The following CLEC12A variants were observed in gnomAD, a reference collection of about 807,000 sequenced individuals.
CLEC12A encodes the protein C-type lectin domain family 12 member A.
In CLEC12A, 22 loss-of-function variants were observed where a neutral mutation model predicts 26.5. The ratio of observed to expected loss-of-function variants is 0.83; its 90% CI spans 0.59 to 1.19. The LOEUF (loss-of-function observed/expected upper bound fraction) is 1.19, where lower values mean the gene tolerates loss of function less well. Ranked by LOEUF, CLEC12A falls within the 50% of genes most tolerant of loss-of-function variation. The pLI is 0.00. For synonymous variants in CLEC12A, 119 were observed against 101.9 expected, an observed-to-expected ratio of 1.17 and a Z score of -1.01; for missense variants, 353 against 315.6, an observed-to-expected ratio of 1.12 and a Z score of -0.90.
intron 1 of CLEC12A, among the ~76,000 whole-genome samples, chr12:9,958,905 CA>C (rs1195568474): frequency 2.6e-5 from 4 of 152,142 alleles, no homozygotes; most frequent in Admixed American, 1.3e-4. Flanking sequence ...ACTCAGATCT[CA>C]GTTATAGATT....
At chr12:9,956,884 A>G (rs1029816344) in intron 1 of CLEC12A, among the ~76,000 whole-genome samples, 3 of 152,222 alleles carry the variant, frequency 2.0e-5, no homozygotes, top group Admixed American at 1.3e-4. Context: ...GCTGTGCTGC[A>G]TTCAGTTATT....
chr12:9,997,267 C>A (rs751872895), downstream of CLEC12A: 1 of 1,610,764 alleles, frequency 6.2e-7, no homozygotes, highest in Non-Finnish European at 8.5e-7. Context: ...TAGGTAATTG[C>A]GCTGCATGAC....
downstream of CLEC12A, among the ~76,000 whole-genome samples, chr12:9,989,896 C>T (rs935230767): frequency 2.6e-5 from 4 of 152,136 alleles, no homozygotes; most frequent in African/African-American, 7.2e-5. Context: ...TCATTTCAAA[C>T]GTCCTAGGGA....
At chr12:10,003,687 GAA>G in the CLEC12A span, among the ~76,000 whole-genome samples, 1 of 152,126 alleles carries the variant, frequency 6.6e-6, no homozygotes, top group African/African-American at 2.4e-5. Flanking sequence ...GCCAAGGTAG[GAA>G]GACTGCTTGA....
intron 1 of CLEC12A, among the ~76,000 whole-genome samples, chr12:9,972,428 C>T (rs1330476623): frequency 2.0e-5 from 3 of 152,052 alleles, no homozygotes; most frequent in African/African-American, 4.8e-5. Context: ...TATAGTTTTC[C>T]TATTATGTAT....
chr12:9,964,543 G>C (rs996152067), intron 1 of CLEC12A, among the ~76,000 whole-genome samples: 2 of 152,144 alleles, frequency 1.3e-5, no homozygotes, highest in African/African-American at 4.8e-5. Flanking sequence ...AGGGTCCCCT[G>C]CCAGCAAAGA....
At chr12:9,967,054 G>GACT (rs1357111718), upstream of CLEC12A, among the ~76,000 whole-genome samples, 4,160 of 151,320 alleles carry the variant, frequency 0.027, 193 homozygotes, top group African/African-American at 0.095. Flanking sequence ...CTGTAAGCTG[G>GACT]GCCAGGTGTG....
At position 9,979,368 on chromosome 12, in the gene CLEC12A, A is replaced by G. The variant is rs758488734; in HGVS notation, c.223A>G (p.Met75Val). 6.2e-6 allele frequency: 10 copies of G among 1,601,500 alleles called. No individual in the cohort carries two copies. In the Admixed American group the frequency reaches 1.6e-4, roughly 25 times the overall value. Residue 75 changes from methionine to valine, a missense_variant, in exon 3 of 6, where the codon ATG (methionine) becomes GTG (valine). Transcript: ENST00000304361. ...AACTTTGAAGATAGAAATGAAAAAAATGAACAAACTACAAAACATCAGTGA... is the reference window on the plus strand; with the variant it reads ...AACTTTGAAGATAGAAATGAAAAAAGTGAACAAACTACAAAACATCAGTGA... ...HVTLKIEMKK[M>V]NKLQNISEEL...
chr12:9,959,081 C>G (rs1469762522), intron 1 of CLEC12A, among the ~76,000 whole-genome samples: 2 of 152,198 alleles, frequency 1.3e-5, no homozygotes, highest in Non-Finnish European at 2.9e-5. Context: ...TCTTCCTCCC[C>G]AGTTCATCTG....
At chr12:9,990,539 A>G (rs568393885), downstream of CLEC12A, among the ~76,000 whole-genome samples, 2 of 152,334 alleles carry the variant, frequency 1.3e-5, no homozygotes, top group Non-Finnish European at 1.5e-5. Context: ...AAACTTTAAC[A>G]AATGAGGAGT....
chr12:9,982,643 T>A (rs1388668626), intron 5 of CLEC12A, among the ~76,000 whole-genome samples: 1 of 152,140 alleles, frequency 6.6e-6, no homozygotes, highest in Non-Finnish European at 1.5e-5. Flanking sequence ...ATGGGCATTT[T>A]AAAAAGTTTA....
At chr12:9,962,836 G>A (rs1863860204) in intron 1 of CLEC12A, among the ~76,000 whole-genome samples, 1 of 152,194 alleles carries the variant, frequency 6.6e-6, no homozygotes. Flanking sequence ...GGGCTCAGAG[G>A]CCTGACATTC....
chr12:9,979,820 A>T (rs982923867), intron 3 of CLEC12A, among the ~76,000 whole-genome samples: 3 of 152,212 alleles, frequency 2.0e-5, no homozygotes, highest in Non-Finnish European at 4.4e-5. Context: ...CTGGGCACTG[A>T]GGTTAATAGA....
At chr12:9,959,125 T>C (rs1424400104) in intron 1 of CLEC12A, among the ~76,000 whole-genome samples, 1 of 152,182 alleles carries the variant, frequency 6.6e-6, no homozygotes, top group Non-Finnish European at 1.5e-5. Flanking sequence ...AATAGCAGTC[T>C]GACCCTCAGT....
intron 1 of CLEC12A, among the ~76,000 whole-genome samples, chr12:9,964,742 G>A (rs561402240): frequency 2.6e-5 from 4 of 152,198 alleles, no homozygotes. Context: ...GGTTCTAAGA[G>A]GTGGGCTGGT....
chr12:9,982,300 A>G (rs1864592633), intron 5 of CLEC12A, among the ~76,000 whole-genome samples, 171 bp downstream of exon 5: 1 of 152,060 alleles, frequency 6.6e-6, no homozygotes, highest in Non-Finnish European at 1.5e-5. Context: ...GTTACCATAA[A>G]TGCCTTCTCA....
downstream of CLEC12A, among the ~76,000 whole-genome samples, chr12:9,998,712 A>G (rs1305044497): frequency 6.6e-6 from 1 of 152,134 alleles, no homozygotes; most frequent in Admixed American, 6.5e-5. Context: ...TTGCTTTAAT[A>G]AACAGCAAAT....
At position 9,962,154 on chromosome 12, in the gene CLEC12A, A is replaced by C. The variant is rs145937548; in HGVS notation, c.11-9423A>C. On this transcript the variant is annotated intron_variant, in intron 1 of 6. Transcript: ENST00000355690. ...GCAGTAGCTAGCCCTGGGGTATTTC[A>C]CTATCCCTCATGGTTTCCTTTGGTC... 4.7e-3 allele frequency among the ~76,000 whole-genome samples: 711 copies of C among 151,970 alleles called. 7 individuals are homozygous for C. The highest frequency in any genetic ancestry group is 0.028 in the South Asian group (137 of 4,822).
At chr12:9,968,658 A>AT (rs752000287), upstream of CLEC12A, among the ~76,000 whole-genome samples, 1 of 152,342 alleles carries the variant, frequency 6.6e-6, no homozygotes, top group Non-Finnish European at 1.5e-5. Context: ...ACACAGGCAT[A>AT]TGATGGCTTA....
Sources: gnomAD v4.1 joint callset for allele counts (sites outside exome capture counted in the v4.1 genomes callset) on GRCh38, gnomAD v4.1.1 for gene constraint, MANE v1.5 for transcripts, NCBI Gene and HGNC (gene_info 2026-07-23, HGNC 2026-07-21) for gene names.